The following KDM4B variants were observed in gnomAD, a reference collection of about 807,000 sequenced individuals.
KDM4B encodes the protein lysine-specific demethylase 4B.
A neutral mutation model predicts 125.2 loss-of-function variants in KDM4B; 32 were observed. The observed-to-expected ratio is 0.26, with a 90% CI of 0.19 to 0.34. The LOEUF (loss-of-function observed/expected upper bound fraction) is 0.34. KDM4B is among the 10% of genes least tolerant of loss of function. The pLI is 1.00. For synonymous variants in KDM4B, 721 were observed against 677.9 expected (o/e 1.06, Z -0.99); for missense variants, 1,190 against 1,577.7 (o/e 0.75, Z 4.16).
chr19:5,090,617 T>C (rs531354422), intron 9 of KDM4B, among the ~76,000 whole-genome samples: 32 of 90,672 alleles, frequency 3.5e-4, no homozygotes, highest in African/African-American at 1.5e-3. Context: ...TCTCTCTCTG[T>C]CTCCCCGCTG....
At chr19:5,140,782 C>G (rs1054700655) in intron 18 of KDM4B, 10 of 152,166 alleles carry the variant, frequency 6.6e-5, no homozygotes, top group Non-Finnish European at 1.2e-4. Context: ...GCTGGGGCCG[C>G]GTCCCCACTA....
intron 4 of KDM4B, among the ~76,000 whole-genome samples, chr19:5,040,253 C>T (rs905134019): frequency 1.3e-5 from 2 of 152,178 alleles, no homozygotes; most frequent in South Asian, 2.1e-4. Flanking sequence ...GCATGTCGGG[C>T]GGTGTCCTGG....
At position 5,025,749 on chromosome 19, in the gene KDM4B, C is replaced by T. The variant is rs892919533; in HGVS notation, c.-25-7117C>T. On this transcript the variant is annotated intron_variant, in intron 2 of 22. Transcript: ENST00000159111. ...CCTAGACTTTCCTCCTGCCCTGGAC[C>T]GCCCAGAACTTGCACCCCTGCGTGT... Among the ~76,000 whole-genome samples the T allele has an allele frequency of 3.3e-5, 5 of 152,238 alleles. No homozygotes were observed. In the South Asian group the frequency reaches 8.3e-4, roughly 25 times the overall value.
In KDM4B at chr19:5,119,855, C is replaced by T; in HGVS notation, c.1315+3C>T. Reference sequence around the variant, plus strand: ...CCGGGAGGCCGAGGGCGCAGAAGGTCAGTCCCTGCCGGGCCAGGCCTGGCA... The same window carrying T: ...CCGGGAGGCCGAGGGCGCAGAAGGTTAGTCCCTGCCGGGCCAGGCCTGGCA... On this transcript the variant is annotated splice_donor_region_variant and intron_variant, in intron 11 of 22. Coordinates refer to ENST00000159111, the MANE Select transcript of KDM4B (RefSeq NM_015015.3). 1 of 1,545,820 alleles carries T rather than the reference C, an allele frequency of 6.5e-7. No individual in the cohort carries two copies. Among genetic ancestry groups the T allele is most frequent in the Non-Finnish European group, 8.7e-7 (1 of 1,146,446 alleles).
rs151182722 is a variant in KDM4B at position 5,018,589 on chromosome 19, A to G, written c.-26+2250A>G. On this transcript the variant is annotated intron_variant, in intron 2 of 22. Coordinates refer to ENST00000159111, the MANE Select transcript of KDM4B (RefSeq NM_015015.3). ...TTTTACTGAGAGGAAATTCACATAC[A>G]TCATATTCACTCTTTAAAGGATACA... Among the ~76,000 whole-genome samples, 89 of 152,286 alleles carry G rather than the reference A, an allele frequency of 5.8e-4. No individual in the cohort carries two copies. In the South Asian group the frequency reaches 0.011, roughly 19 times the overall value.
chr19:5,123,341 C>A (rs2039395735), intron 11 of KDM4B, among the ~76,000 whole-genome samples: 1 of 152,214 alleles, frequency 6.6e-6, no homozygotes, highest in South Asian at 2.1e-4. Flanking sequence ...TTCCGAGGAC[C>A]CAGGAGGACC....
chr19:5,039,519 C>G (rs923851940), intron 3 of KDM4B, among the ~76,000 whole-genome samples: 13 of 152,328 alleles, frequency 8.5e-5, no homozygotes, highest in African/African-American at 2.9e-4. Context: ...AACACACACA[C>G]GCCCAGTGCC....
chr19:5,020,803 C>T (rs1005392581), intron 2 of KDM4B, among the ~76,000 whole-genome samples: 2 of 152,194 alleles, frequency 1.3e-5, no homozygotes, highest in African/African-American at 4.8e-5. Flanking sequence ...TTGAACACTT[C>T]GCTTTCTGTC....
intron 11 of KDM4B, among the ~76,000 whole-genome samples, chr19:5,128,952 TC>T (rs1439287427): frequency 6.6e-6 from 1 of 151,800 alleles, no homozygotes; most frequent in Non-Finnish European, 1.5e-5. Flanking sequence ...CTGGGGGTGT[TC>T]CAGGCTCCCC....
intron 11 of KDM4B, among the ~76,000 whole-genome samples, chr19:5,122,604 C>G (rs1268152666): frequency 1.3e-5 from 2 of 152,242 alleles, no homozygotes; most frequent in Admixed American, 6.5e-5. Context: ...ACTCTCAAAT[C>G]CACTGCTGTT....
At chr19:5,046,584 C>T (rs1294714268) in intron 5 of KDM4B, among the ~76,000 whole-genome samples, 1 of 152,180 alleles carries the variant, frequency 6.6e-6, no homozygotes, top group Admixed American at 6.5e-5. Flanking sequence ...TGAGCCTCTC[C>T]GGGGACTGCA....
chr19:4,989,424 G>A (rs566042105), intron 1 of KDM4B, among the ~76,000 whole-genome samples: 46 of 152,064 alleles, frequency 3.0e-4, no homozygotes, highest in Middle Eastern at 3.4e-3. Context: ...TGTAACCTCC[G>A]TCTCCCAGGT....
chr19:5,146,238 C>CG (rs1435551361), intron 21 of KDM4B, among the ~76,000 whole-genome samples: 6 of 151,534 alleles, frequency 4.0e-5, no homozygotes, highest in East Asian at 1.9e-4. Flanking sequence ...CATCCAGGAC[C>CG]CCCCCCGCTC....
At chr19:4,986,679 G>A (rs1410240777) in intron 1 of KDM4B, among the ~76,000 whole-genome samples, 2 of 152,208 alleles carry the variant, frequency 1.3e-5, no homozygotes, top group Admixed American at 1.3e-4. Context: ...GAACAGGGAG[G>A]GCCTCTCCCA....
At chr19:5,031,492 GCGGGCAGGGCCT>G (rs1358020662) in intron 2 of KDM4B, among the ~76,000 whole-genome samples, 1 of 152,250 alleles carries the variant, frequency 6.6e-6, no homozygotes, top group Non-Finnish European at 1.5e-5. Flanking sequence ...AGCAAGGGTG[GCGGGCAGGGCCT>G]CAGCCCACGT....
intron 6 of KDM4B, among the ~76,000 whole-genome samples, chr19:5,060,120 G>A (rs937075551): frequency 6.6e-6 from 1 of 152,192 alleles, no homozygotes; most frequent in Non-Finnish European, 1.5e-5. Flanking sequence ...GATCTTGGCC[G>A]GGTGATCCCT....
chr19:5,150,008 C>G (rs531663832), intron 21 of KDM4B, among the ~76,000 whole-genome samples: 1 of 152,324 alleles, frequency 6.6e-6, no homozygotes, highest in African/African-American at 2.4e-5. Context: ...ACCAGTGACT[C>G]TGTCACCTTG....
intron 6 of KDM4B, among the ~76,000 whole-genome samples, chr19:5,048,600 A>C: frequency 7.8e-6 from 1 of 128,986 alleles, no homozygotes; most frequent in Admixed American, 8.2e-5. Context: ...GTAAGCGGGG[A>C]GAGGGGGGGG....
intron 1 of KDM4B, among the ~76,000 whole-genome samples, chr19:4,995,479 A>C (rs1466054692): frequency 2.0e-5 from 3 of 152,104 alleles, no homozygotes; most frequent in African/African-American, 4.8e-5. Flanking sequence ...GAGTTTCTCC[A>C]TGTTGGCCAG....
Sources: gnomAD v4.1 joint callset for allele counts (sites outside exome capture counted in the v4.1 genomes callset) on GRCh38, gnomAD v4.1.1 for gene constraint, MANE v1.5 for transcripts, NCBI Gene and HGNC (gene_info 2026-07-23, HGNC 2026-07-21) for gene names.